Variants in TFEC observed in about 807,000 individuals in gnomAD.
TFEC encodes the protein class E basic helix-loop-helix protein 34.
A neutral mutation model predicts 41.6 loss-of-function variants in TFEC; 31 were observed. The observed-to-expected ratio is 0.74, with a 90% CI of 0.56 to 1.01. TFEC has a LOEUF of 1.01. TFEC is among the 50% of genes least tolerant of loss of function. The pLI is 0.00. For synonymous variants in TFEC, 143 were observed against 140.6 expected (o/e 1.02, Z -0.12); for missense variants, 402 against 404.1 (o/e 0.99, Z 0.04).
intron 3 of TFEC, among the ~76,000 whole-genome samples, chr7:116,080,788 T>C (rs1036112212): frequency 7.9e-5 from 12 of 152,022 alleles, no homozygotes; most frequent in Non-Finnish European, 1.6e-4. Context: ...GGAGATTCCT[T>C]AAAGAACTAA....
chr7:115,995,160 A>G (rs1794304768), intron 1 of TFEC, among the ~76,000 whole-genome samples: 1 of 138,958 alleles, frequency 7.2e-6, no homozygotes, highest in Non-Finnish European at 1.5e-5. Flanking sequence ...GAACACTTGG[A>G]CACAGGGTGG....
intron 1 of TFEC, among the ~76,000 whole-genome samples, chr7:116,119,354 T>A (rs1798060199): frequency 6.6e-6 from 1 of 151,682 alleles, no homozygotes; most frequent in Non-Finnish European, 1.5e-5. Flanking sequence ...ATGCAATAGG[T>A]CTGGAAAGAT....
At chr7:116,029,205 G>A (rs1795698619) in intron 1 of TFEC, among the ~76,000 whole-genome samples, 1 of 151,432 alleles carries the variant, frequency 6.6e-6, no homozygotes, top group African/African-American at 2.4e-5. Context: ...CCAAACCAAG[G>A]AAATAGACAT....
chr7:116,129,791 A>G (rs1289358745), intron 1 of TFEC, among the ~76,000 whole-genome samples: 1 of 151,396 alleles, frequency 6.6e-6, no homozygotes, highest in Non-Finnish European at 1.5e-5. Context: ...TAAAAACCCA[A>G]TATTCTTACG....
At chr7:116,110,925 C>A in exon 3 of TFEC, 2 of 1,491,886 alleles carry the variant, frequency 1.3e-6, no homozygotes, top group South Asian at 1.4e-5. Context: ...CTTTTCTTCT[C>A]ACTATTAGTG....
At position 116,149,287 on chromosome 7, in the gene TFEC, G is replaced by A. The variant is rs534090374; in HGVS notation, c.-69+10503C>T. ...AAATACATAATGTAGGGAATGAGAGGGAAGACATAACTAGATGCTGGTGAG... is the reference window on the plus strand; with the variant it reads ...AAATACATAATGTAGGGAATGAGAGAGAAGACATAACTAGATGCTGGTGAG... On this transcript the variant is annotated intron_variant, in intron 1 of 8. Coordinates refer to the TFEC transcript ENST00000484212. 1.3e-4 allele frequency among the ~76,000 whole-genome samples: 20 copies of A among 152,050 alleles called. No individual in the cohort carries two copies. The East Asian group carries it at 3.9e-3, about 29-fold the overall frequency.
intron 1 of TFEC, among the ~76,000 whole-genome samples, chr7:116,156,411 G>C (rs1229336739): frequency 6.6e-6 from 1 of 152,040 alleles, no homozygotes; most frequent in Non-Finnish European, 1.5e-5. Context: ...CTTCATATCA[G>C]TCCTACTTCT....
intron 6 of TFEC, 142 bp from the exon 7 acceptor site, chr7:115,942,182 A>G: frequency 1.2e-6 from 1 of 813,572 alleles, no homozygotes; most frequent in Non-Finnish European, 1.7e-6. Flanking sequence ...CTGAATAGAA[A>G]TTTTAATAGA....
intron 3 of TFEC, among the ~76,000 whole-genome samples, chr7:116,049,333 G>A (rs1796251302): frequency 6.6e-6 from 1 of 152,144 alleles, no homozygotes; most frequent in African/African-American, 2.4e-5. Context: ...TGCAATCCTA[G>A]TCTCTGATAA....
chr7:115,992,382 CACCA>C (rs2130726044), intron 1 of TFEC, among the ~76,000 whole-genome samples: 1 of 152,214 alleles, frequency 6.6e-6, no homozygotes, highest in Admixed American at 6.5e-5. Flanking sequence ...GAAATAGAGA[CACCA>C]AAAGCCCTTC....
chr7:116,084,563 T>A (rs1005575662), intron 3 of TFEC, among the ~76,000 whole-genome samples: 1 of 151,878 alleles, frequency 6.6e-6, no homozygotes, highest in African/African-American at 2.4e-5. Context: ...TAGATTTTCA[T>A]AATTTATAGA....
At chr7:116,096,456 G>A (rs944882153) in intron 3 of TFEC, among the ~76,000 whole-genome samples, 1 of 152,110 alleles carries the variant, frequency 6.6e-6, no homozygotes, top group African/African-American at 2.4e-5. Context: ...GGAGCAGGTG[G>A]ATCCTTGACA....
intron 3 of TFEC, among the ~76,000 whole-genome samples, chr7:116,060,651 G>A (rs1438832836): frequency 1.3e-5 from 2 of 152,074 alleles, no homozygotes; most frequent in Non-Finnish European, 2.9e-5. Context: ...ACAAGTGGGA[G>A]CTAAATGATA....
chr7:115,954,746 C>A, intron 4 of TFEC, 104 bp from the exon 5 acceptor site: 1 of 815,206 alleles, frequency 1.2e-6, no homozygotes, highest in Non-Finnish European at 1.9e-6. Flanking sequence ...ATTATTTGCT[C>A]CAAAACGGTA....
intron 3 of TFEC, among the ~76,000 whole-genome samples, chr7:116,097,543 A>T (rs1449391973): frequency 6.6e-6 from 1 of 152,188 alleles, no homozygotes; most frequent in Non-Finnish European, 1.5e-5. Context: ...GAAAATGGCT[A>T]CTAAGTGACT....
At chr7:116,004,818 C>A (rs1331510854) in intron 1 of TFEC, among the ~76,000 whole-genome samples, 1 of 151,734 alleles carries the variant, frequency 6.6e-6, no homozygotes, top group African/African-American at 2.4e-5. Context: ...ATAGGGAGAT[C>A]AGTATTACTG....
chr7:116,103,839 A>C (rs1182599986), intron 3 of TFEC, among the ~76,000 whole-genome samples: 1 of 152,210 alleles, frequency 6.6e-6, no homozygotes, highest in South Asian at 2.1e-4. Context: ...AGTATTTTTT[A>C]ATCAATGCCA....
chr7:116,127,935 A>G (rs1441297543), intron 1 of TFEC, among the ~76,000 whole-genome samples: 1 of 152,040 alleles, frequency 6.6e-6, no homozygotes, highest in Non-Finnish European at 1.5e-5. Context: ...TCTTTTTTTA[A>G]TCCATCTAAA....
chr7:115,968,135 G>A, intron 3 of TFEC: 1 of 1,495,694 alleles, frequency 6.7e-7, no homozygotes, highest in Non-Finnish European at 8.9e-7. Flanking sequence ...CAGTATTTAA[G>A]GTGGTTTCAT....
Sources: allele counts gnomAD v4.1 joint callset (sites outside exome capture counted in the v4.1 genomes callset), GRCh38; gene constraint gnomAD v4.1.1; transcripts MANE v1.5; gene names NCBI Gene and HGNC (gene_info 2026-07-23, HGNC 2026-07-21).